Variants in STK32C observed in about 807,000 individuals in gnomAD.
STK32C encodes serine/threonine kinase 32C.
A neutral mutation model predicts 56.5 loss-of-function variants in STK32C; 31 were observed. The observed-to-expected ratio is 0.55, with a 90% CI of 0.41 to 0.74. The LOEUF (loss-of-function observed/expected upper bound fraction) is 0.74. Ranked by LOEUF, STK32C falls within the 30% of genes least tolerant of loss-of-function variation. STK32C has a pLI of 0.00. For missense variants in STK32C, 544 were observed against 676.9 expected (o/e 0.80, Z 2.18); for synonymous variants, 309 against 289.4 (o/e 1.07, Z -0.69).
chr10:132,211,148 C>CCCT, intron 10 of STK32C, among the ~76,000 whole-genome samples: 1 of 152,326 alleles, frequency 6.6e-6, no homozygotes, highest in South Asian at 2.1e-4. Flanking sequence ...AAGAAGAGGA[C>CCCT]AGGCTGGGTG....
At chr10:132,277,864 T>C (rs948113733) in intron 1 of STK32C, among the ~76,000 whole-genome samples, 1 of 151,972 alleles carries the variant, frequency 6.6e-6, no homozygotes, top group Non-Finnish European at 1.5e-5. Flanking sequence ...GACCTCTCCT[T>C]CATTGGCTGT....
intron 1 of STK32C, chr10:132,249,044 G>A (rs768285403): frequency 2.3e-5 from 11 of 475,144 alleles, no homozygotes; most frequent in Non-Finnish European, 4.6e-5. Context: ...AAAGCCTCCC[G>A]ACTGTGCGAC....
At chr10:132,301,963 T>C (rs1037968402) in intron 1 of STK32C, among the ~76,000 whole-genome samples, 3 of 152,166 alleles carry the variant, frequency 2.0e-5, no homozygotes, top group African/African-American at 4.8e-5. Flanking sequence ...ACTCAAAGTA[T>C]GTCCGCGGGC....
chr10:132,303,112 G>A (rs937786278), intron 1 of STK32C, among the ~76,000 whole-genome samples: 28 of 152,234 alleles, frequency 1.8e-4, no homozygotes, highest in Non-Finnish European at 1.0e-4. Context: ...CCCACAGGCC[G>A]GGAGCAGCAA....
intron 1 of STK32C, among the ~76,000 whole-genome samples, chr10:132,306,381 G>C (rs547105038): frequency 1.6e-4 from 24 of 152,312 alleles, no homozygotes; most frequent in African/African-American, 5.5e-4. Context: ...ATTCACCATC[G>C]TGAGTTCTGC....
chr10:132,251,460 A>G (rs2063902207), intron 1 of STK32C, among the ~76,000 whole-genome samples: 1 of 152,064 alleles, frequency 6.6e-6, no homozygotes, highest in African/African-American at 2.4e-5. Flanking sequence ...TTCCTTATAC[A>G]CAGAGCCTAC....
At chr10:132,304,908 C>T (rs532396183) in intron 1 of STK32C, among the ~76,000 whole-genome samples, 7 of 152,340 alleles carry the variant, frequency 4.6e-5, no homozygotes, top group African/African-American at 1.7e-4. Context: ...CGGGCTAATG[C>T]CACGTCAGGC....
At chr10:132,269,251 A>G (rs2138144029) in intron 1 of STK32C, among the ~76,000 whole-genome samples, 1 of 151,828 alleles carries the variant, frequency 6.6e-6, no homozygotes, top group Non-Finnish European at 1.5e-5. Context: ...GTCTCCGTGC[A>G]TGTGTGTGCA....
chr10:132,328,906 C>G (rs765150101), intron 1 of STK32C, among the ~76,000 whole-genome samples: 1 of 152,208 alleles, frequency 6.6e-6, no homozygotes, highest in Non-Finnish European at 1.5e-5. Flanking sequence ...CCAAGCATGA[C>G]CCCAAAAGGC....
At chr10:132,271,244 C>T (rs1365465545) in intron 1 of STK32C, among the ~76,000 whole-genome samples, 1 of 152,192 alleles carries the variant, frequency 6.6e-6, no homozygotes, top group East Asian at 1.9e-4. Context: ...CAGCCAGCTT[C>T]GGCCTCCACG....
chr10:132,243,384 G>A (rs184941112), intron 2 of STK32C, among the ~76,000 whole-genome samples: 45 of 152,278 alleles, frequency 3.0e-4, no homozygotes, highest in African/African-American at 9.4e-4. Flanking sequence ...GCCTGGGGGC[G>A]AGGCGGGGGT....
intron 2 of STK32C, among the ~76,000 whole-genome samples, chr10:132,240,204 A>G: frequency 6.6e-6 from 1 of 152,028 alleles, no homozygotes; most frequent in East Asian, 1.9e-4. Context: ...TCATCCCAGA[A>G]CCCGGACACC....
chr10:132,251,364 G>C (rs76261283), intron 1 of STK32C, among the ~76,000 whole-genome samples: 2 of 152,180 alleles, frequency 1.3e-5, no homozygotes, highest in Admixed American at 6.5e-5. Flanking sequence ...CGAGGAAGCC[G>C]GACAGGCTCC....
At chr10:132,309,406 A>G (rs1010034336), upstream of STK32C, among the ~76,000 whole-genome samples, 1 of 152,146 alleles carries the variant, frequency 6.6e-6, no homozygotes, top group African/African-American at 2.4e-5. Flanking sequence ...GCACCCGCTT[A>G]GGACACATGG....
At chr10:132,256,432 T>C (rs1489321249) in intron 1 of STK32C, among the ~76,000 whole-genome samples, 2 of 152,204 alleles carry the variant, frequency 1.3e-5, no homozygotes, top group Non-Finnish European at 2.9e-5. Flanking sequence ...TCTGGAATCA[T>C]GTTCCGGTGT....
At chr10:132,243,407 G>A (rs1159899596) in intron 2 of STK32C, among the ~76,000 whole-genome samples, 7 of 152,162 alleles carry the variant, frequency 4.6e-5, no homozygotes, top group Non-Finnish European at 5.9e-5. Flanking sequence ...AGAGTGGGCT[G>A]GACGGAAGTC....
chr10:132,245,124 C>G (rs1020116100), intron 2 of STK32C, among the ~76,000 whole-genome samples: 1 of 152,152 alleles, frequency 6.6e-6, no homozygotes, highest in Admixed American at 6.5e-5. Context: ...TATTATGCTC[C>G]GGTAGCATGG....
intron 1 of STK32C, among the ~76,000 whole-genome samples, chr10:132,287,521 G>A (rs1467997069): frequency 2.7e-5 from 4 of 149,642 alleles, no homozygotes; most frequent in East Asian, 2.1e-4. Context: ...GCGTGATCTC[G>A]GCTCACTGCA....
chr10:132,320,289 G>A (rs1018325747), downstream of STK32C, among the ~76,000 whole-genome samples: 1 of 152,074 alleles, frequency 6.6e-6, no homozygotes, highest in African/African-American at 2.4e-5. Context: ...TGCCAGAGTG[G>A]TGAGGGCAGA....
Sources: gnomAD v4.1 joint callset for allele counts (sites outside exome capture counted in the v4.1 genomes callset) on GRCh38, gnomAD v4.1.1 for gene constraint, MANE v1.5 for transcripts, NCBI Gene and HGNC (gene_info 2026-07-23, HGNC 2026-07-21) for gene names.